The following LIX1 variants were observed in gnomAD, a reference collection of about 807,000 sequenced individuals.
LIX1 encodes protein limb expression 1 homolog.
In LIX1, 24 loss-of-function variants were observed where a neutral mutation model predicts 33.4. The observed-to-expected ratio is 0.72, with a 90% confidence interval of 0.52 to 1.01. The LOEUF is 1.01. LIX1 is among the 50% of genes least tolerant of loss of function. LIX1 has a pLI of 0.00. For synonymous variants in LIX1, 124 were observed against 124.0 expected (o/e 1.00, Z 0.00); for missense variants, 311 against 339.2 (o/e 0.92, Z 0.65).
rs1746694336 is a variant in LIX1 at position 97,101,455 on chromosome 5, C to T, written c.483+3735G>A. On this transcript the variant is annotated intron_variant, in intron 4 of 5. Coordinates refer to ENST00000274382, the MANE Select transcript of LIX1 (RefSeq NM_153234.5). ...CTTGGTAATTTTTGAACAAGGGCCC[C>T]TGGATTTTCATTTTGCACTGGGCCT... Among the ~76,000 whole-genome samples the T allele has an allele frequency of 1.2e-4, 18 of 152,276 alleles. No homozygotes were observed. The South Asian group carries it at 3.7e-3, about 32-fold the overall frequency.
intron 1 of LIX1, among the ~76,000 whole-genome samples, chr5:97,138,867 A>G (rs1321079408): frequency 6.6e-6 from 1 of 152,204 alleles, no homozygotes; most frequent in Non-Finnish European, 1.5e-5. Context: ...TGAGACTCCA[A>G]GGAAATGTTC....
At position 97,094,951 on chromosome 5, in the gene LIX1, C is replaced by T; in HGVS notation, c.646G>A (p.Asp216Asn). The T allele has an allele frequency of 6.2e-7, 1 of 1,614,134 alleles. No individual in the cohort carries two copies. Among genetic ancestry groups the T allele is most frequent in the South Asian group, 1.1e-5 (1 of 91,078 alleles). ...TCTTGAGAGACAATTCCTGGTGAGT[C>T]CCGCTCCTTCATGATCCAGTCCAGG... ...MALDWIMKER[D>N]SPGIVSQELR... Residue 216 changes from aspartate to asparagine, a missense_variant, in exon 6 of 6, where the codon GAC becomes AAC. Transcript: ENST00000274382.
chr5:97,125,552 C>T (rs1214043850), intron 1 of LIX1, among the ~76,000 whole-genome samples: 3 of 152,202 alleles, frequency 2.0e-5, no homozygotes, highest in Non-Finnish European at 4.4e-5. Flanking sequence ...GCTAATGGTT[C>T]TGTGAAAAGG....
At chr5:97,130,715 G>A (rs1182940644) in intron 1 of LIX1, among the ~76,000 whole-genome samples, 1 of 152,236 alleles carries the variant, frequency 6.6e-6, no homozygotes, top group African/African-American at 2.4e-5. Context: ...AGACATAAGT[G>A]TTAGGAGGAA....
chr5:97,132,408 G>A lies in LIX1; in HGVS notation c.83-7779C>T, dbSNP rs112535993. On this transcript the variant is annotated intron_variant, in intron 1 of 5. Transcript: ENST00000274382. ...GAGTAGATGAATGTGGGCTGAAAAGGTCAGGAAAAATTTGTGTAGGAAAAA... is the reference window on the plus strand; with the variant it reads ...GAGTAGATGAATGTGGGCTGAAAAGATCAGGAAAAATTTGTGTAGGAAAAA... Among the ~76,000 whole-genome samples the A allele has an allele frequency of 5.1e-3, 769 of 152,262 alleles. 6 individuals are homozygous for A. Among genetic ancestry groups the A allele is most frequent in the South Asian group, 0.021 (102 of 4,830 alleles).
chr5:97,102,289 G>A (rs944879601), intron 4 of LIX1, among the ~76,000 whole-genome samples: 1 of 152,002 alleles, frequency 6.6e-6, no homozygotes, highest in Non-Finnish European at 1.5e-5. Flanking sequence ...TACCCACCAG[G>A]GGTACTGAAT....
In LIX1 at chr5:97,093,914, A is replaced by T. The variant is rs1440965066; in HGVS notation, c.*834T>A. On this transcript the variant is annotated 3_prime_UTR_variant, in exon 6 of 6. Transcript: ENST00000274382. ...ATGTTTTAACCTTTAAAATGCCATTAATTTTTCTCTCTGTAGATATATGTT... is the reference window on the plus strand; with the variant it reads ...ATGTTTTAACCTTTAAAATGCCATTTATTTTTCTCTCTGTAGATATATGTT... 5 of 152,464 alleles carry T rather than the reference A, an allele frequency of 3.3e-5. No individual in the cohort carries two copies. In the East Asian group the frequency reaches 9.4e-4, roughly 29 times the overall value. The allele number at this position is 152,464 out of a possible 1,614,324, so 9.4% of individuals were successfully genotyped here.
chr5:97,139,300 T>C (rs1361682176), intron 1 of LIX1, among the ~76,000 whole-genome samples: 1 of 152,234 alleles, frequency 6.6e-6, no homozygotes, highest in Non-Finnish European at 1.5e-5. Context: ...TTAGCCTTAC[T>C]ATTAAATGGT....
chr5:97,098,393 G>A (rs904318585), intron 4 of LIX1, among the ~76,000 whole-genome samples: 3 of 152,112 alleles, frequency 2.0e-5, no homozygotes, highest in Non-Finnish European at 2.9e-5. Flanking sequence ...TTCCTAATGC[G>A]GTTACAATTA....
At chr5:97,130,537 C>A (rs1748032318) in intron 1 of LIX1, among the ~76,000 whole-genome samples, 2 of 152,162 alleles carry the variant, frequency 1.3e-5, no homozygotes, top group African/African-American at 4.8e-5. Flanking sequence ...TGGGCTGACA[C>A]TGAATTAAGG....
chr5:97,103,727 A>AG (rs1156508453), intron 4 of LIX1, among the ~76,000 whole-genome samples: 2 of 152,230 alleles, frequency 1.3e-5, no homozygotes, highest in Non-Finnish European at 2.9e-5. Context: ...GCACTTTGGG[A>AG]GGCCAAGGCG....
intron 1 of LIX1, among the ~76,000 whole-genome samples, chr5:97,139,602 A>G (rs1748242896): frequency 6.6e-6 from 1 of 152,234 alleles, no homozygotes; most frequent in South Asian, 2.1e-4. Context: ...CAATATGGAG[A>G]CAAGCTATAC....
intron 1 of LIX1, among the ~76,000 whole-genome samples, chr5:97,127,047 G>A (rs1232727580): frequency 3.9e-5 from 6 of 152,200 alleles, no homozygotes; most frequent in Non-Finnish European, 1.5e-5. Context: ...CCACCCCTGA[G>A]GAAACAAATA....
intron 2 of LIX1, among the ~76,000 whole-genome samples, chr5:97,114,856 A>G (rs1403937816): frequency 1.3e-5 from 2 of 152,210 alleles, no homozygotes; most frequent in African/African-American, 4.8e-5. Context: ...TGGCGTTGTG[A>G]TTTACAAAGA....
chr5:97,092,597 G>C lies in LIX1; in HGVS notation c.*2151C>G, dbSNP rs1746132276. The C allele has an allele frequency of 6.6e-6, 1 of 152,244 alleles. No homozygotes were observed. Among genetic ancestry groups the C allele is most frequent in the African/African-American group, 2.4e-5 (1 of 41,410 alleles). The allele number at this position is 152,244 out of a possible 1,614,324, so 9.4% of individuals were successfully genotyped here. A position where few individuals can be genotyped will look rare whatever the true frequency, so the allele number is the denominator to read the frequency against. On this transcript the variant is annotated 3_prime_UTR_variant, in exon 6 of 6. Coordinates refer to ENST00000274382, the MANE Select transcript of LIX1 (RefSeq NM_153234.5). ...CATTCCAGGAAGAATGGGCAGTTTT[G>C]GCCAGTCAAGAAAAGCTGACAGTGG...
At chr5:97,115,367 C>T (rs900241614) in intron 2 of LIX1, among the ~76,000 whole-genome samples, 1 of 152,056 alleles carries the variant, frequency 6.6e-6, no homozygotes, top group African/African-American at 2.4e-5. Flanking sequence ...ATTATAGAAC[C>T]ATCTTCTGGC....
At chr5:97,124,743 G>C (rs1226808100) in intron 1 of LIX1, 114 bp from the exon 2 acceptor site, 3 of 767,806 alleles carry the variant, frequency 3.9e-6, no homozygotes, top group Non-Finnish European at 6.1e-6. Context: ...TTTAAGTAGA[G>C]CTGGGTATGT....
At chr5:97,140,411 T>C (rs1029856184) in intron 1 of LIX1, among the ~76,000 whole-genome samples, 3 of 152,172 alleles carry the variant, frequency 2.0e-5, no homozygotes, top group Non-Finnish European at 4.4e-5. Context: ...TGGAGCAGGT[T>C]AGAGTGGAGG....
At chr5:97,141,510 C>T (rs150688828) in intron 1 of LIX1, among the ~76,000 whole-genome samples, 1 of 152,272 alleles carries the variant, frequency 6.6e-6, no homozygotes, top group East Asian at 1.9e-4. Context: ...CCTCTTTCTT[C>T]AACATACATA....
Sources: gnomAD v4.1 joint callset for allele counts (sites outside exome capture counted in the v4.1 genomes callset) on GRCh38, gnomAD v4.1.1 for gene constraint, MANE v1.5 for transcripts, NCBI Gene and HGNC (gene_info 2026-07-23, HGNC 2026-07-21) for gene names.